PACRG: variants seen among roughly 807,000 people sequenced by gnomAD.
The protein encoded by PACRG is parkin coregulated gene protein.
Under a neutral mutation model 29.7 loss-of-function variants are expected in PACRG, and 29 were observed. The ratio of observed to expected loss-of-function variants is 0.98; its 90% CI spans 0.73 to 1.33. PACRG has a LOEUF of 1.33. PACRG is among the 40% of genes most tolerant of loss of function. PACRG has a pLI of 0.00. For synonymous variants in PACRG, 116 were observed against 118.7 expected (o/e 0.98, Z 0.15); for missense variants, 279 against 316.2 (o/e 0.88, Z 0.89).
intron 4 of PACRG, among the ~76,000 whole-genome samples, chr6:163,197,660 A>G (rs1031882726): frequency 3.3e-5 from 5 of 151,518 alleles, no homozygotes; most frequent in Non-Finnish European, 7.4e-5. Flanking sequence ...CGTGTTAGCC[A>G]GGATTGTCTC....
At chr6:163,115,308 G>C (rs940768119) in intron 4 of PACRG, among the ~76,000 whole-genome samples, 3 of 152,142 alleles carry the variant, frequency 2.0e-5, no homozygotes, top group African/African-American at 7.2e-5. Flanking sequence ...ATCGGGGAAG[G>C]CTTTCTAGGG....
rs975564073 is a variant in PACRG at position 163,248,873 on chromosome 6, T to C, written c.614-65954T>C. Among the ~76,000 whole-genome samples the C allele has an allele frequency of 1.9e-4, 29 of 151,772 alleles. 1 individual carries two copies. The highest frequency in any genetic ancestry group is 6.5e-4 in the African/African-American group (27 of 41,284). On this transcript the variant is annotated intron_variant, in intron 4 of 4. Transcript: ENST00000366888. Reference sequence around the variant, plus strand: ...ACTAAAAAAAATACAAACAATTAGCTGGGCATGGTGGCAGGCGTCTGTTGG... The same window carrying C: ...ACTAAAAAAAATACAAACAATTAGCCGGGCATGGTGGCAGGCGTCTGTTGG...
intron 3 of PACRG, among the ~76,000 whole-genome samples, chr6:163,064,384 C>T (rs1811354957): frequency 6.6e-6 from 1 of 152,166 alleles, no homozygotes; most frequent in South Asian, 2.1e-4. Context: ...AAAACGTTAT[C>T]AAGAACTCAG....
chr6:163,162,176 G>A (rs181891891), intron 4 of PACRG, among the ~76,000 whole-genome samples: 1 of 152,308 alleles, frequency 6.6e-6, no homozygotes, highest in African/African-American at 2.4e-5. Flanking sequence ...CCAGCCTGGA[G>A]AGCCAGGACA....
chr6:162,800,143 G>C (rs1391772996), intron 1 of PACRG, among the ~76,000 whole-genome samples: 1 of 152,126 alleles, frequency 6.6e-6, no homozygotes, highest in African/African-American at 2.4e-5. Flanking sequence ...TTGAAGGCAA[G>C]AACTGCACTT....
chr6:162,799,799 G>A lies in PACRG; in HGVS notation c.157-14348G>A, dbSNP rs146575919. 3.9e-5 allele frequency among the ~76,000 whole-genome samples: 6 copies of A among 152,142 alleles called. No individual in the cohort carries two copies. The South Asian group carries it at 1.0e-3, about 26-fold the overall frequency. On this transcript the variant is annotated intron_variant, in intron 1 of 4. Transcript: ENST00000366888. Reference sequence around the variant, plus strand: ...ATTCATGATATGTAAGATGTGAATGGTAATAGTCTCTTAATAGATACAAAA... The same window carrying A: ...ATTCATGATATGTAAGATGTGAATGATAATAGTCTCTTAATAGATACAAAA...
chr6:163,284,429 G>A (rs577568556), intron 4 of PACRG, among the ~76,000 whole-genome samples: 15 of 152,234 alleles, frequency 9.9e-5, no homozygotes, highest in Non-Finnish European at 1.9e-4. Context: ...CCATGCACAT[G>A]CTGAAGAACA....
intron 2 of PACRG, among the ~76,000 whole-genome samples, chr6:163,043,500 C>A (rs938728837): frequency 1.3e-5 from 2 of 151,800 alleles, no homozygotes; most frequent in African/African-American, 4.8e-5. Context: ...TGCAGTGAGC[C>A]GAGATCGCAC....
At chr6:163,063,954 C>T (rs1023391115) in intron 3 of PACRG, among the ~76,000 whole-genome samples, 2 of 152,154 alleles carry the variant, frequency 1.3e-5, no homozygotes, top group Non-Finnish European at 2.9e-5. Context: ...TTAAATTCTA[C>T]TTGAACTGCT....
At chr6:163,238,434 T>TATC (rs1782333491) in intron 4 of PACRG, among the ~76,000 whole-genome samples, 1 of 152,176 alleles carries the variant, frequency 6.6e-6, no homozygotes, top group South Asian at 2.1e-4. Context: ...CTTATAACAG[T>TATC]ATCATACTTG....
intron 4 of PACRG, among the ~76,000 whole-genome samples, chr6:163,264,781 C>G (rs1185462015): frequency 6.6e-6 from 1 of 152,182 alleles, no homozygotes; most frequent in African/African-American, 2.4e-5. Flanking sequence ...AACTTTTAAA[C>G]ACCTGAAATT....
At chr6:162,913,183 C>T (rs930290203) in intron 2 of PACRG, among the ~76,000 whole-genome samples, 5 of 152,128 alleles carry the variant, frequency 3.3e-5, no homozygotes, top group African/African-American at 4.8e-5. Context: ...AAATGTTGGC[C>T]TCTGTATACA....
chr6:162,757,005 A>G (rs957896775), intron 1 of PACRG, among the ~76,000 whole-genome samples: 2 of 151,928 alleles, frequency 1.3e-5, no homozygotes, highest in African/African-American at 4.8e-5. Flanking sequence ...ATTCTGTTCT[A>G]CTGTCTATTT....
intron 4 of PACRG, among the ~76,000 whole-genome samples, chr6:163,228,257 C>T (rs1781884329): frequency 1.3e-5 from 2 of 151,426 alleles, no homozygotes; most frequent in South Asian, 4.2e-4. Flanking sequence ...AGTTGAAGTA[C>T]TTGTGGTATC....
intron 4 of PACRG, among the ~76,000 whole-genome samples, chr6:163,311,462 G>T (rs1213331444): frequency 6.6e-6 from 1 of 152,098 alleles, no homozygotes; most frequent in Admixed American, 6.5e-5. Context: ...TTTTTCACGT[G>T]TCGCATGTAT....
chr6:162,727,385 G>C (rs1402540965), upstream of PACRG: 1 of 478,308 alleles, frequency 2.1e-6, no homozygotes, highest in Non-Finnish European at 3.7e-6. Flanking sequence ...ACGAGGAGCG[G>C]GGGTGCGGGG....
intron 2 of PACRG, among the ~76,000 whole-genome samples, chr6:162,874,997 A>G (rs892146706): frequency 1.3e-5 from 2 of 152,034 alleles, no homozygotes; most frequent in African/African-American, 4.8e-5. Context: ...ACGCCCACAT[A>G]CATTCATACA....
chr6:163,035,812 C>CAAAAAA (rs1156795173), intron 2 of PACRG, among the ~76,000 whole-genome samples: 8 of 64,248 alleles, frequency 1.2e-4, no homozygotes, highest in East Asian at 4.4e-4. Flanking sequence ...GACTCTGTCT[C>CAAAAAA]AAAAAAAAAA....
chr6:162,741,854 C>CA (rs1342291891), intron 1 of PACRG, among the ~76,000 whole-genome samples: 1 of 152,148 alleles, frequency 6.6e-6, no homozygotes, highest in Non-Finnish European at 1.5e-5. Flanking sequence ...TTGCATTCTA[C>CA]AAAAAATATT....
Sources: gnomAD v4.1 joint callset for allele counts (sites outside exome capture counted in the v4.1 genomes callset) on GRCh38, gnomAD v4.1.1 for gene constraint, MANE v1.5 for transcripts, NCBI Gene and HGNC (gene_info 2026-07-23, HGNC 2026-07-21) for gene names.